TMEM230: variants seen among roughly 807,000 people sequenced by gnomAD.
TMEM230 encodes the protein UPF0414 transmembrane protein C20orf30.
A neutral mutation model predicts 15.8 loss-of-function variants in TMEM230; 10 were observed. The observed-to-expected ratio is 0.63, with a 90% CI of 0.39 to 1.07. The LOEUF (loss-of-function observed/expected upper bound fraction) is 1.07. Among genes scored for constraint, TMEM230 ranks in the 50% least tolerant of loss-of-function variants. The pLI is 0.01. For missense variants in TMEM230, 165 were observed against 193.3 expected (o/e 0.85, Z 0.87); for synonymous variants, 67 against 76.9 (o/e 0.87, Z 0.68).
At chr20:5,099,420 C>T (rs992561523), downstream of TMEM230, among the ~76,000 whole-genome samples, 5 of 151,880 alleles carry the variant, frequency 3.3e-5, no homozygotes, top group Non-Finnish European at 5.9e-5. Flanking sequence ...CCAAAAGTCC[C>T]TAATCTTGGA....
chr20:5,112,151 T>C (rs760751730), intron 1 of TMEM230, among the ~76,000 whole-genome samples: 2 of 152,240 alleles, frequency 1.3e-5, no homozygotes, highest in Non-Finnish European at 2.9e-5. Context: ...GCCTAACTGT[T>C]TTACGTGGCT....
the TMEM230 span, among the ~76,000 whole-genome samples, chr20:5,063,014 T>C: frequency 1.4e-4 from 22 of 152,182 alleles, no homozygotes; most frequent in South Asian, 2.1e-3. Context: ...CTTCATAAGT[T>C]ACGAGGGAGG....
chr20:5,067,755 C>CG (rs547925181), downstream of TMEM230, among the ~76,000 whole-genome samples: 951 of 87,114 alleles, frequency 0.011, 16 homozygotes, highest in South Asian at 0.043. Context: ...CACCCAGCCC[C>CG]CCTCTGCTTT....
chr20:5,077,254 G>C (rs141340667), intron 3 of TMEM230, among the ~76,000 whole-genome samples: 7 of 152,178 alleles, frequency 4.6e-5, no homozygotes, highest in African/African-American at 1.7e-4. Context: ...GCTGCAGTGA[G>C]CTGAGATTGT....
chr20:5,069,219 C>T, exon 4 of TMEM230: 1 of 1,535,684 alleles, frequency 6.5e-7, no homozygotes, highest in Non-Finnish European at 8.7e-7. Flanking sequence ...TGTTCCTCTT[C>T]CTTCTGGAAG....
In TMEM230 at chr20:5,112,995, G is replaced by C; in HGVS notation, c.34C>G (p.Leu12Val). 1 of 1,550,858 alleles carries C rather than the reference G, an allele frequency of 6.4e-7. No individual in the cohort carries two copies. The stretch of plus-strand genomic sequence containing the variant: ...GCGCCAGGCCGCCCGCACACCCAGA[G>C]CTCGCCCACGGTTGGCAGCGCCCAA... The change falls in exon 1 of 5, where the codon CTC becomes GTC. Residue 12 changes from leucine (L) to valine (V), a missense_variant. By Grantham distance (32) the Leu-to-Val change is conservative. Coordinates refer to ENST00000342308, the MANE Select transcript of TMEM230 (RefSeq NM_001009923.2).
intron 3 of TMEM230, among the ~76,000 whole-genome samples, chr20:5,075,185 C>T (rs1398835968): frequency 1.3e-5 from 2 of 151,752 alleles, no homozygotes; most frequent in Non-Finnish European, 2.9e-5. Context: ...CCTGCCTCAG[C>T]CTCCTGAGTA....
intron 3 of TMEM230, among the ~76,000 whole-genome samples, chr20:5,107,480 C>T (rs1033552010): frequency 2.0e-5 from 3 of 152,188 alleles, no homozygotes; most frequent in Admixed American, 6.5e-5. Context: ...GTCATTCACT[C>T]TAGTTCGAAT....
chr20:5,063,680 A>C (rs1261037562), downstream of TMEM230, among the ~76,000 whole-genome samples: 1 of 152,138 alleles, frequency 6.6e-6, no homozygotes, highest in African/African-American at 2.4e-5. Context: ...AGGTGGATTA[A>C]AGTTACAGAA....
At chr20:5,088,667 A>G (rs1332205455) in intron 3 of TMEM230, among the ~76,000 whole-genome samples, 1 of 152,088 alleles carries the variant, frequency 6.6e-6, no homozygotes, top group Admixed American at 6.6e-5. Flanking sequence ...ACATGCCACC[A>G]TGCCTGGCTT....
At chr20:5,107,686 T>C (rs1222862958) in intron 3 of TMEM230, among the ~76,000 whole-genome samples, 2 of 152,058 alleles carry the variant, frequency 1.3e-5, no homozygotes, top group African/African-American at 4.8e-5. Flanking sequence ...TGGTGGCACA[T>C]GCTTGTGGTC....
At chr20:5,089,684 G>A (rs1396875106) in intron 3 of TMEM230, among the ~76,000 whole-genome samples, 1 of 152,000 alleles carries the variant, frequency 6.6e-6, no homozygotes, top group African/African-American at 2.4e-5. Flanking sequence ...CTGGGCAACA[G>A]AGTGAGACTC....
chr20:5,063,652 G>A (rs1486094287), downstream of TMEM230, among the ~76,000 whole-genome samples: 5 of 152,076 alleles, frequency 3.3e-5, no homozygotes, highest in African/African-American at 9.7e-5. Context: ...GAGGGGGATC[G>A]GAGAACAGAC....
downstream of TMEM230, among the ~76,000 whole-genome samples, chr20:5,099,073 C>T (rs1029939827): frequency 2.4e-4 from 37 of 152,094 alleles, no homozygotes; most frequent in African/African-American, 8.7e-4. Context: ...TGCCTATAAT[C>T]CCAACACTTT....
chr20:5,062,232 A>T, the TMEM230 span, among the ~76,000 whole-genome samples: 1 of 111,662 alleles, frequency 9.0e-6, no homozygotes, highest in African/African-American at 3.9e-5. Flanking sequence ...CAAAAAAAAG[A>T]AAAAAAAAAA....
At chr20:5,112,806 A>G in intron 1 of TMEM230, 155 bp downstream of exon 1, 3 of 1,507,932 alleles carry the variant, frequency 2.0e-6, no homozygotes, top group Non-Finnish European at 2.7e-6. Flanking sequence ...TAAAACAAAC[A>G]AAACGGGCTT....
chr20:5,067,557 C>G (rs942496733), downstream of TMEM230, among the ~76,000 whole-genome samples: 4 of 150,140 alleles, frequency 2.7e-5, no homozygotes, highest in Non-Finnish European at 4.4e-5. Flanking sequence ...GATTCTCCTG[C>G]CTCAGCCTCC....
chr20:5,063,460 G>C (rs1022181719), downstream of TMEM230, among the ~76,000 whole-genome samples: 1 of 151,724 alleles, frequency 6.6e-6, no homozygotes, highest in Admixed American at 6.6e-5. Context: ...GCTAACTTTT[G>C]TATTTTTTGG....
intron 2 of TMEM230, among the ~76,000 whole-genome samples, chr20:5,109,975 C>T (rs989030776): frequency 6.6e-6 from 1 of 152,156 alleles, no homozygotes. Flanking sequence ...TGCCTATTTC[C>T]CCTTGATAGA....
Sources: allele counts gnomAD v4.1 joint callset (sites outside exome capture counted in the v4.1 genomes callset), GRCh38; gene constraint gnomAD v4.1.1; transcripts MANE v1.5; gene names NCBI Gene and HGNC (gene_info 2026-07-23, HGNC 2026-07-21).